The following PDE1A variants were observed in gnomAD, a reference collection of about 807,000 sequenced individuals.
PDE1A encodes the protein dual specificity calcium/calmodulin-dependent 3',5'-cyclic nucleotide phosphodiesterase 1A.
In PDE1A, 35 loss-of-function variants were observed where a neutral mutation model predicts 61.7. The observed-to-expected ratio is 0.57, with a 90% CI of 0.43 to 0.75. The LOEUF (loss-of-function observed/expected upper bound fraction) is 0.75. Ranked by LOEUF, PDE1A falls within the 30% of genes least tolerant of loss-of-function variation. PDE1A has a pLI of 0.00. For synonymous variants in PDE1A, 232 were observed against 213.2 expected (o/e 1.09, Z -0.77); for missense variants, 597 against 630.6 (o/e 0.95, Z 0.57).
chr2:182,264,514 C>T (rs1692461752), intron 1 of PDE1A, 100 bp from the exon 2 acceptor site: 1 of 780,706 alleles, frequency 1.3e-6, no homozygotes, highest in Non-Finnish European at 2.1e-6. Context: ...AGATTTTTAA[C>T]ATAGCTATTT....
intron 2 of PDE1A, among the ~76,000 whole-genome samples, chr2:182,458,028 A>G (rs1686038351): frequency 6.6e-6 from 1 of 152,066 alleles, no homozygotes; most frequent in South Asian, 2.1e-4. Flanking sequence ...TCTATAAAGC[A>G]TCAATATTAG....
intron 7 of PDE1A, among the ~76,000 whole-genome samples, chr2:182,219,371 C>T (rs915774119): frequency 2.6e-5 from 4 of 151,990 alleles, no homozygotes; most frequent in African/African-American, 4.8e-5. Context: ...ATATTTCAAG[C>T]ATTCTCAGAT....
At chr2:182,415,650 A>G (rs778238038) in intron 1 of PDE1A, among the ~76,000 whole-genome samples, 2 of 152,138 alleles carry the variant, frequency 1.3e-5, no homozygotes, top group Non-Finnish European at 2.9e-5. Flanking sequence ...TACTTCTTCT[A>G]GAGACAGTTC....
chr2:182,191,073 G>A (rs1439847361), intron 10 of PDE1A, among the ~76,000 whole-genome samples: 1 of 152,146 alleles, frequency 6.6e-6, no homozygotes, highest in Non-Finnish European at 1.5e-5. Flanking sequence ...TAAAACACAG[G>A]AAATTGAAGT....
the PDE1A span, among the ~76,000 whole-genome samples, chr2:182,664,921 C>A: frequency 1.3e-5 from 2 of 152,082 alleles, no homozygotes; most frequent in Non-Finnish European, 2.9e-5. Flanking sequence ...ACAATAATGG[C>A]ATGTGGCACA....
intron 1 of PDE1A, among the ~76,000 whole-genome samples, chr2:182,352,600 T>A (rs992331735): frequency 6.7e-6 from 1 of 150,226 alleles, no homozygotes; most frequent in African/African-American, 2.4e-5. Context: ...AACTACTTTA[T>A]GGACATCAAC....
At chr2:182,658,375 T>C in the PDE1A span, among the ~76,000 whole-genome samples, 1 of 152,256 alleles carries the variant, frequency 6.6e-6, no homozygotes, top group East Asian at 1.9e-4. Context: ...TGTGCACCTT[T>C]GCCCTCATAT....
intron 1 of PDE1A, among the ~76,000 whole-genome samples, chr2:182,343,146 C>T (rs1419485469): frequency 1.0e-5 from 1 of 98,928 alleles, no homozygotes; most frequent in Non-Finnish European, 2.1e-5. Context: ...ATCAGTTCAT[C>T]CACTTAGAGT....
chr2:182,609,764 C>T, the PDE1A span, among the ~76,000 whole-genome samples: 1 of 152,258 alleles, frequency 6.6e-6, no homozygotes, highest in Non-Finnish European at 1.5e-5. Flanking sequence ...ATCAGATTCC[C>T]ATTCCAGAGT....
chr2:182,149,035 T>A (rs909379210), intron 13 of PDE1A, among the ~76,000 whole-genome samples: 7 of 152,322 alleles, frequency 4.6e-5, no homozygotes, highest in African/African-American at 1.7e-4. Context: ...AATCAGTTTT[T>A]TTCTGACATT....
At chr2:182,462,159 G>A (rs966365690) in intron 2 of PDE1A, among the ~76,000 whole-genome samples, 1 of 151,924 alleles carries the variant, frequency 6.6e-6, no homozygotes. Context: ...CTGTTGTGGG[G>A]TGGGGGGAGC....
At chr2:182,386,817 C>T (rs556229813) in intron 1 of PDE1A, among the ~76,000 whole-genome samples, 235 of 150,824 alleles carry the variant, frequency 1.6e-3, no homozygotes, top group African/African-American at 5.5e-3. Context: ...CACCTCCACC[C>T]GGCCGCCGCC....
intron 2 of PDE1A, chr2:182,241,773 G>A (rs1690531971): frequency 1.5e-6 from 2 of 1,359,484 alleles, no homozygotes; most frequent in African/African-American, 1.5e-5. Context: ...AATATTTAGA[G>A]TTGAATGTTA....
chr2:182,705,171 T>C, the PDE1A span, among the ~76,000 whole-genome samples: 4 of 152,224 alleles, frequency 2.6e-5, no homozygotes, highest in Non-Finnish European at 5.9e-5. Context: ...ATGATAATTT[T>C]TTAAACAAAA....
At chr2:182,252,015 G>GA (rs1483310212) in intron 2 of PDE1A, among the ~76,000 whole-genome samples, 4 of 152,128 alleles carry the variant, frequency 2.6e-5, no homozygotes, top group East Asian at 1.9e-4. Context: ...AAATAGTAGG[G>GA]ATGATGACAA....
At chr2:182,268,614 A>G (rs1009695977) in intron 1 of PDE1A, among the ~76,000 whole-genome samples, 5 of 152,008 alleles carry the variant, frequency 3.3e-5, no homozygotes, top group African/African-American at 1.2e-4. Context: ...TGCACACCCT[A>G]ATTTCTAAGC....
At chr2:182,259,606 T>A (rs1388275784) in intron 2 of PDE1A, among the ~76,000 whole-genome samples, 2 of 152,238 alleles carry the variant, frequency 1.3e-5, no homozygotes, top group African/African-American at 4.8e-5. Context: ...AGTAACTTCC[T>A]TAAAGAAAGA....
intron 2 of PDE1A, among the ~76,000 whole-genome samples, chr2:182,433,811 A>G (rs1396666129): frequency 6.6e-6 from 1 of 151,764 alleles, no homozygotes; most frequent in Non-Finnish European, 1.5e-5. Context: ...ATTCCCCACT[A>G]CCTGTGCTGG....
the PDE1A span, among the ~76,000 whole-genome samples, chr2:182,637,295 A>T: frequency 6.6e-6 from 1 of 152,220 alleles, no homozygotes; most frequent in Non-Finnish European, 1.5e-5. Flanking sequence ...ATTAGCTAAT[A>T]TAATCTCCTA....
Sources: gnomAD v4.1 joint callset for allele counts (sites outside exome capture counted in the v4.1 genomes callset) on GRCh38, gnomAD v4.1.1 for gene constraint, MANE v1.5 for transcripts, NCBI Gene and HGNC (gene_info 2026-07-23, HGNC 2026-07-21) for gene names.